ADGRE3: variants seen among roughly 807,000 people sequenced by gnomAD.
ADGRE3 encodes the protein adhesion G protein-coupled receptor E3.
Under a neutral mutation model 80.1 loss-of-function variants are expected in ADGRE3, and 88 were observed. The ratio of observed to expected loss-of-function variants is 1.10; its 90% CI spans 0.93 to 1.31. The LOEUF (loss-of-function observed/expected upper bound fraction) is 1.31, where lower values mean the gene tolerates loss of function less well. Among genes scored for constraint, ADGRE3 ranks in the 40% most tolerant of loss-of-function variants. ADGRE3 has a pLI of 0.00. For synonymous variants in ADGRE3, 281 were observed against 294.8 expected, an observed-to-expected ratio of 0.95 and a Z score of 0.48; for missense variants, 715 against 776.5, an observed-to-expected ratio of 0.92 and a Z score of 0.94.
intron 13 of ADGRE3, among the ~76,000 whole-genome samples, chr19:14,630,644 C>A (rs1385725491): frequency 6.6e-6 from 1 of 151,840 alleles, no homozygotes; most frequent in South Asian, 2.1e-4. Context: ...GAACTCCTGA[C>A]CTCAAGAGAT....
chr19:14,663,600 T>C, intron 2 of ADGRE3, 60 bp from the exon 3 acceptor site: 9 of 1,556,382 alleles, frequency 5.8e-6, no homozygotes, highest in Non-Finnish European at 7.9e-6. Flanking sequence ...CTGTTATAAT[T>C]AGGCCCTGCC....
chr19:14,657,841 G>A (rs1252864478), intron 5 of ADGRE3, among the ~76,000 whole-genome samples: 3 of 151,780 alleles, frequency 2.0e-5, no homozygotes, highest in East Asian at 1.9e-4. Flanking sequence ...TCCACTCACC[G>A]CAACCTCCGC....
chr19:14,616,887 C>A (rs528897813), downstream of ADGRE3, among the ~76,000 whole-genome samples: 4 of 151,262 alleles, frequency 2.6e-5, no homozygotes, highest in African/African-American at 9.7e-5. Flanking sequence ...CTCCATCTCC[C>A]GGGTTCAAGT....
chr19:14,614,617 C>G (rs895958254), downstream of ADGRE3, among the ~76,000 whole-genome samples: 2 of 151,630 alleles, frequency 1.3e-5, no homozygotes, highest in African/African-American at 2.4e-5. Context: ...CACTCTGTCT[C>G]CCAGGCTGGA....
chr19:14,610,167 T>C, the ADGRE3 span: 1 of 1,584,530 alleles, frequency 6.3e-7, no homozygotes, highest in Non-Finnish European at 8.6e-7. Context: ...AACTACGTAT[T>C]GGATTTGTGA....
intron 5 of ADGRE3, among the ~76,000 whole-genome samples, chr19:14,655,655 T>C (rs1283150505): frequency 4.0e-5 from 6 of 151,310 alleles, no homozygotes; most frequent in African/African-American, 1.5e-4. Context: ...ATAGACAGGG[T>C]CTTGCTATGT....
intron 7 of ADGRE3, among the ~76,000 whole-genome samples, chr19:14,649,160 C>CTT (rs1971505915): frequency 6.6e-6 from 1 of 150,890 alleles, no homozygotes; most frequent in African/African-American, 2.4e-5. Context: ...CTTTCCATCT[C>CTT]TCTCCCCATC....
intron 13 of ADGRE3, among the ~76,000 whole-genome samples, chr19:14,630,922 G>T (rs756000356): frequency 6.6e-6 from 1 of 151,780 alleles, no homozygotes; most frequent in Middle Eastern, 3.2e-3. Flanking sequence ...ACGGAGTCTC[G>T]CTCTGTGGCC....
At chr19:14,601,718 A>G in the ADGRE3 span, among the ~76,000 whole-genome samples, 2 of 152,106 alleles carry the variant, frequency 1.3e-5, no homozygotes, top group African/African-American at 2.4e-5. Flanking sequence ...TCCTAGGCTC[A>G]AGCAATTCTT....
At chr19:14,635,579 T>G (rs1174155038) in intron 11 of ADGRE3, among the ~76,000 whole-genome samples, 1 of 151,874 alleles carries the variant, frequency 6.6e-6, no homozygotes, top group East Asian at 1.9e-4. Context: ...GCCCGGCTAA[T>G]TTTTTGTCTT....
chr19:14,642,894 T>C (rs1213396639), intron 9 of ADGRE3, among the ~76,000 whole-genome samples: 1 of 152,184 alleles, frequency 6.6e-6, no homozygotes, highest in Non-Finnish European at 1.5e-5. Flanking sequence ...TGAACATACA[T>C]GTGCATGTGT....
chr19:14,611,458 C>T, the ADGRE3 span, among the ~76,000 whole-genome samples: 4 of 149,786 alleles, frequency 2.7e-5, no homozygotes, highest in Non-Finnish European at 5.9e-5. Flanking sequence ...GCTTACTGCA[C>T]CCTCTGCCTC....
chr19:14,658,560 ACATCATGATGGAGTTAC>A lies in ADGRE3; in HGVS notation c.356-27_356-11del, dbSNP rs1971843661. ...TTTGAGGAGGTGGTGTCTGCAAAAG[ACATCATGATGGAGTTAC>A]TATTGGAACTGAGAGTGACCAGGCA... On this transcript the variant is annotated splice_polypyrimidine_tract_variant and intron_variant, in intron 4 of 15. Transcript: ENST00000253673. 6.4e-7 allele frequency: 1 copy of A among 1,551,242 alleles called. No individual in the cohort carries two copies. The highest frequency in any genetic ancestry group is 8.7e-7 in the Non-Finnish European group (1 of 1,147,794).
chr19:14,647,103 C>T (rs907224503), intron 8 of ADGRE3, 78 bp downstream of exon 8: 2 of 1,238,036 alleles, frequency 1.6e-6, no homozygotes, highest in African/African-American at 3.0e-5. Flanking sequence ...GGTCTAGAAC[C>T]ACAGCCTGGG....
the ADGRE3 span, among the ~76,000 whole-genome samples, chr19:14,600,592 T>C: frequency 1.3e-5 from 2 of 152,114 alleles, no homozygotes; most frequent in East Asian, 1.9e-4. Context: ...CTTTTCTTTT[T>C]TTTTTTTGAG....
At chr19:14,617,377 C>CTTTATTTCTTTCTTT (rs1491527496), downstream of ADGRE3, among the ~76,000 whole-genome samples, 1 of 86,306 alleles carries the variant, frequency 1.2e-5, no homozygotes, top group Admixed American at 1.4e-4. Context: ...TTTCTTTCTT[C>CTTTATTTCTTTCTTT]CTTTCTTTCT....
the ADGRE3 span, chr19:14,610,111 C>A: frequency 3.7e-6 from 6 of 1,612,366 alleles, no homozygotes; most frequent in Non-Finnish European, 5.1e-6. Flanking sequence ...GAGGACTGTG[C>A]TACCATGAAC....
chr19:14,615,499 G>A (rs576145314), downstream of ADGRE3, among the ~76,000 whole-genome samples: 29 of 151,980 alleles, frequency 1.9e-4, no homozygotes, highest in South Asian at 6.0e-3. Flanking sequence ...GGTGGCTCAC[G>A]CCTGTAATCC....
intron 2 of ADGRE3, among the ~76,000 whole-genome samples, chr19:14,667,334 C>T (rs1437827518): frequency 6.6e-6 from 1 of 150,492 alleles, no homozygotes; most frequent in Admixed American, 6.6e-5. Context: ...CCATGAATGT[C>T]TTCTTTTCTG....
Sources: gnomAD v4.1 joint callset for allele counts (sites outside exome capture counted in the v4.1 genomes callset) on GRCh38, gnomAD v4.1.1 for gene constraint, MANE v1.5 for transcripts, NCBI Gene and HGNC (gene_info 2026-07-23, HGNC 2026-07-21) for gene names.